Variants in SLCO1B3 observed in about 807,000 individuals in gnomAD.
SLCO1B3 encodes the protein liver-specific organic anion transporter 2.
A neutral mutation model predicts 71.8 loss-of-function variants in SLCO1B3; 72 were observed. That is an observed-to-expected ratio of 1.00 (90% CI 0.83 to 1.22). SLCO1B3 has a LOEUF of 1.22. Ranked by LOEUF, SLCO1B3 falls within the 50% of genes most tolerant of loss-of-function variation. The pLI is 0.00. For missense variants in SLCO1B3, 911 were observed against 819.7 expected, an observed-to-expected ratio of 1.11 and a Z score of -1.36; for synonymous variants, 298 against 278.4, an observed-to-expected ratio of 1.07 and a Z score of -0.70.
At chr12:20,846,069 G>A (rs1246444617) in intron 3 of SLCO1B3, among the ~76,000 whole-genome samples, 1 of 151,702 alleles carries the variant, frequency 6.6e-6, no homozygotes, top group East Asian at 1.9e-4. Flanking sequence ...AGACTTTAAA[G>A]CAACAACAGT....
chr12:20,912,305 A>T (rs1273097035), intron 15 of SLCO1B3, among the ~76,000 whole-genome samples: 3 of 13,664 alleles, frequency 2.2e-4, no homozygotes, highest in African/African-American at 2.3e-4. Flanking sequence ...TTTTATTTTT[A>T]TTTATTTATT....
intron 6 of SLCO1B3, among the ~76,000 whole-genome samples, chr12:20,861,344 C>A (rs1384404646): frequency 1.5e-5 from 1 of 65,648 alleles, no homozygotes; most frequent in East Asian, 4.2e-4. Flanking sequence ...CGCTTATATG[C>A]AGCTTTTGTC....
chr12:20,819,101 C>T (rs1046664057), intron 3 of SLCO1B3, among the ~76,000 whole-genome samples: 18 of 152,120 alleles, frequency 1.2e-4, no homozygotes, highest in South Asian at 2.1e-4. Flanking sequence ...AGCCGCTGCA[C>T]GCGGACATGA....
At chr12:20,895,995 A>G (rs891391473) in intron 13 of SLCO1B3, among the ~76,000 whole-genome samples, 1 of 152,226 alleles carries the variant, frequency 6.6e-6, no homozygotes, top group Non-Finnish European at 1.5e-5. Flanking sequence ...GTGAAGGCAC[A>G]GCCCAAGCTC....
Position 20,875,233 on chromosome 12 carries a change from A to C in SLCO1B3, c.728-2A>C, listed in dbSNP as rs775095908. ...CTGGCTTCTTTTAACTGTTTCTCCT[A>C]GGCACTATCAGAATAACTCCTAAGG... On this transcript the variant is annotated splice_acceptor_variant, in intron 8 of 15. Coordinates refer to ENST00000381545, the MANE Select transcript of SLCO1B3 (RefSeq NM_019844.4). LOFTEE classifies it high-confidence loss of function. 3 of 1,612,008 alleles carry C rather than the reference A, an allele frequency of 1.9e-6. No homozygotes were observed.
At chr12:20,846,106 A>AT (rs1205144558) in intron 3 of SLCO1B3, among the ~76,000 whole-genome samples, 6 of 151,554 alleles carry the variant, frequency 4.0e-5, no homozygotes, top group East Asian at 3.9e-4. Context: ...ACATATTCCA[A>AT]TTTTTTTTCA....
At chr12:20,908,804 C>T (rs1202083842) in intron 15 of SLCO1B3, among the ~76,000 whole-genome samples, 1 of 152,116 alleles carries the variant, frequency 6.6e-6, no homozygotes, top group African/African-American at 2.4e-5. Flanking sequence ...ATCTTGATTG[C>T]TTGCAGGTTT....
intron 10 of SLCO1B3, among the ~76,000 whole-genome samples, chr12:20,878,572 G>A (rs567428337): frequency 2.0e-4 from 31 of 152,198 alleles, no homozygotes; most frequent in African/African-American, 6.7e-4. Flanking sequence ...GTTAAACAGT[G>A]TATCAAATGG....
chr12:20,875,122 C>CCAA, intron 8 of SLCO1B3, 113 bp from the exon 9 acceptor site: 16 of 1,270,190 alleles, frequency 1.3e-5, no homozygotes, highest in Non-Finnish European at 1.7e-5. Context: ...TGAAAGTAAA[C>CCAA]ATTTGGTTTA....
At chr12:20,852,207 G>T (rs548423469) in intron 3 of SLCO1B3, among the ~76,000 whole-genome samples, 1 of 152,106 alleles carries the variant, frequency 6.6e-6, no homozygotes, top group African/African-American at 2.4e-5. Context: ...AGGAATGGTG[G>T]TTCATACCTG....
At chr12:20,835,760 T>G (rs1565583013) in intron 3 of SLCO1B3, among the ~76,000 whole-genome samples, 1 of 152,188 alleles carries the variant, frequency 6.6e-6, no homozygotes, top group Non-Finnish European at 1.5e-5. Flanking sequence ...AAGTTCAAAC[T>G]TTCCCACATT....
intron 15 of SLCO1B3, among the ~76,000 whole-genome samples, chr12:20,903,576 G>A (rs1866171401): frequency 6.6e-6 from 1 of 151,990 alleles, no homozygotes; most frequent in South Asian, 2.1e-4. Flanking sequence ...CCTAGTGACA[G>A]GAGAGAGAGA....
intron 3 of SLCO1B3, among the ~76,000 whole-genome samples, chr12:20,821,101 A>T (rs1360636120): frequency 1.3e-5 from 2 of 152,130 alleles, no homozygotes; most frequent in Non-Finnish European, 2.9e-5. Context: ...AGAAAGACTC[A>T]GCGACGCTTG....
chr12:20,823,413 A>G (rs1864358543), intron 3 of SLCO1B3, among the ~76,000 whole-genome samples: 1 of 152,216 alleles, frequency 6.6e-6, no homozygotes, highest in South Asian at 2.1e-4. Context: ...ATTGTAGAAA[A>G]TAATAAAAAC....
intron 3 of SLCO1B3, among the ~76,000 whole-genome samples, chr12:20,835,099 T>C (rs950290610): frequency 3.9e-5 from 6 of 152,204 alleles, no homozygotes; most frequent in Non-Finnish European, 8.8e-5. Context: ...TTTTACCTTC[T>C]GAAGCCACAG....
At chr12:20,870,919 CT>C (rs1865463201) in intron 8 of SLCO1B3, among the ~76,000 whole-genome samples, 1 of 151,988 alleles carries the variant, frequency 6.6e-6, no homozygotes, top group Non-Finnish European at 1.5e-5. Flanking sequence ...TTATCAAGTG[CT>C]TTTTTAGCAT....
intron 3 of SLCO1B3, among the ~76,000 whole-genome samples, chr12:20,843,516 C>T (rs1437984050): frequency 1.3e-5 from 2 of 152,170 alleles, no homozygotes; most frequent in Non-Finnish European, 2.9e-5. Context: ...CCACGGGGCT[C>T]ATGCCTATAA....
chr12:20,865,995 C>G (rs1865366764), intron 8 of SLCO1B3, among the ~76,000 whole-genome samples: 1 of 152,068 alleles, frequency 6.6e-6, no homozygotes, highest in Non-Finnish European at 1.5e-5. Flanking sequence ...CATTCATCAT[C>G]TCCATATGAG....
At chr12:20,846,961 A>C (rs1864932408) in intron 3 of SLCO1B3, among the ~76,000 whole-genome samples, 1 of 152,146 alleles carries the variant, frequency 6.6e-6, no homozygotes, top group South Asian at 2.1e-4. Flanking sequence ...ACAATTATGT[A>C]CATTTGTATC....
Sources: gnomAD v4.1 joint callset for allele counts (sites outside exome capture counted in the v4.1 genomes callset) on GRCh38, gnomAD v4.1.1 for gene constraint, MANE v1.5 for transcripts, NCBI Gene and HGNC (gene_info 2026-07-23, HGNC 2026-07-21) for gene names.